The following USP53 variants were observed in gnomAD, a reference collection of about 807,000 sequenced individuals.
USP53 encodes ubiquitin carboxyl-terminal hydrolase 53.
A neutral mutation model predicts 94.9 loss-of-function variants in USP53; 71 were observed. That is an observed-to-expected ratio of 0.75 (90% CI 0.62 to 0.91). The LOEUF is 0.91. USP53 is among the 40% of genes least tolerant of loss of function. The pLI, the probability that USP53 is intolerant of heterozygous loss-of-function variation, is 0.00. For synonymous variants in USP53, 375 were observed against 422.7 expected, an observed-to-expected ratio of 0.89 and a Z score of 1.39; for missense variants, 1,173 against 1,281.0, an observed-to-expected ratio of 0.92 and a Z score of 1.29.
At chr4:119,259,297 G>GC (rs1196508488) in intron 9 of USP53, among the ~76,000 whole-genome samples, 1 of 147,890 alleles carries the variant, frequency 6.8e-6, no homozygotes, top group Non-Finnish European at 1.5e-5. Flanking sequence ...AAAAAAAAAG[G>GC]GGGGGGAGTA....
Position 119,293,036 on chromosome 4 carries a change from C to G in USP53, c.3047C>G (p.Ala1016Gly), listed in dbSNP as rs750738370. 1 of 1,614,112 alleles carries G rather than the reference C, an allele frequency of 6.2e-7. No individual in the cohort carries two copies. Among genetic ancestry groups the G allele is most frequent in the African/African-American group, 1.3e-5 (1 of 75,058 alleles). The change falls in exon 19 of 19, where the codon GCA (alanine) becomes GGA (glycine). Residue 1016 changes from alanine to glycine, a missense_variant. Physicochemically the swap from Ala to Gly is moderately conservative, Grantham distance 60. Transcript: ENST00000692078. ...CAGGCAAACTCAGGTGCCATTGATGCATTTTGCCAACCAGAACTAGACTCT... is the reference window on the plus strand; with the variant it reads ...CAGGCAAACTCAGGTGCCATTGATGGATTTTGCCAACCAGAACTAGACTCT... The part of the protein sequence containing the change: ...DFQANSGAID[A>G]FCQPELDSIS...
intron 17 of USP53, among the ~76,000 whole-genome samples, chr4:119,276,353 T>G (rs941364855): frequency 1.3e-5 from 2 of 150,622 alleles, no homozygotes; most frequent in African/African-American, 4.8e-5. Context: ...TCTATTGAGA[T>G]AATCATGTGG....
intron 1 of USP53, among the ~76,000 whole-genome samples, chr4:119,213,812 G>A (rs1045566376): frequency 6.6e-6 from 1 of 151,774 alleles, no homozygotes; most frequent in East Asian, 1.9e-4. Flanking sequence ...GGAGGTTGCA[G>A]TGAGCCGAGA....
Position 119,239,901 on chromosome 4 carries a change from C to T in USP53, c.142C>T (p.Gln48Ter). ...QNSCFLNSAV[Q>*]VLWQLDIFRR... ...CAGCTGCTTTCTTAATAGCGCTGTA[C>T]AGGTGAGACCATAATTACTTATTAC... The change falls in exon 5 of 19, where the codon CAG becomes TAG. Residue 48 changes from glutamine (Q) to a stop codon, truncating the protein, a stop_gained and splice_region_variant. Transcript: ENST00000692078. LOFTEE classifies it high-confidence loss of function. The T allele has an allele frequency of 6.7e-7, 1 of 1,492,240 alleles. No homozygotes were observed. The highest frequency in any genetic ancestry group is 8.9e-7 in the Non-Finnish European group (1 of 1,118,302). The allele number at this position is 1,492,240 out of a possible 1,614,324, so 92.4% of individuals were successfully genotyped here.
At chr4:119,273,781 A>G in intron 17 of USP53, 73 bp downstream of exon 17, 1 of 1,254,612 alleles carries the variant, frequency 8.0e-7, no homozygotes, top group South Asian at 1.4e-5. Context: ...GCTATTATGT[A>G]TCTGAGAGAA....
At chr4:119,227,268 C>CACACACACAT (rs1561197149) in intron 3 of USP53, among the ~76,000 whole-genome samples, 2 of 148,524 alleles carry the variant, frequency 1.3e-5, no homozygotes, top group Non-Finnish European at 3.0e-5. Flanking sequence ...CACACACACA[C>CACACACACAT]ACACACACAC....
rs199580098 is a variant in USP53, at chr4:119,271,281, AT to A, written c.1436-4del. The A allele has an allele frequency of 6.4e-4, 833 of 1,302,842 alleles. No individual in the cohort carries two copies. Among genetic ancestry groups the A allele is most frequent in the South Asian group, 2.1e-3 (131 of 61,942 alleles). 80.7% of individuals were successfully genotyped at this position (1,302,842 alleles called of 1,614,324 possible). ...GAGGAGTAATTCATGTGTATCTTTAATTTTTTTTTTTAAGATTTGGTTGATG... is the reference window on the plus strand; with the variant it reads ...GAGGAGTAATTCATGTGTATCTTTAATTTTTTTTTTAAGATTTGGTTGATG... On this transcript the variant is annotated splice_polypyrimidine_tract_variant and intron_variant, in intron 15 of 18. Coordinates refer to ENST00000692078, the MANE Select transcript of USP53 (RefSeq NM_001371395.1).
In USP53 at chr4:119,248,736, G is replaced by C; in HGVS notation, c.238-12G>C. 1 of 1,606,518 alleles carries C rather than the reference G, an allele frequency of 6.2e-7. No individual in the cohort carries two copies. The highest frequency in any genetic ancestry group is 8.5e-7 in the Non-Finnish European group (1 of 1,176,704). ...TGGCATTAAACTTACTGATTTTCTT[G>C]TCGATTCCCAGACGATATTTGCACA... On this transcript the variant is annotated splice_polypyrimidine_tract_variant and intron_variant, in intron 6 of 18. Coordinates refer to ENST00000692078, the MANE Select transcript of USP53 (RefSeq NM_001371395.1).
At chr4:119,250,113 C>T (rs1748767611) in intron 7 of USP53, among the ~76,000 whole-genome samples, 1 of 152,208 alleles carries the variant, frequency 6.6e-6, no homozygotes, top group Non-Finnish European at 1.5e-5. Context: ...CTCAGTGCTT[C>T]ATCCCTAGAT....
At chr4:119,277,915 A>G (rs1203376232) in intron 17 of USP53, among the ~76,000 whole-genome samples, 10 of 129,478 alleles carry the variant, frequency 7.7e-5, no homozygotes, top group Non-Finnish European at 1.5e-4. Context: ...AGAGACTAGG[A>G]TTGCAACCCC....
chr4:119,286,810 C>T (rs1480052084), intron 17 of USP53, among the ~76,000 whole-genome samples: 2 of 151,966 alleles, frequency 1.3e-5, no homozygotes, highest in Admixed American at 6.6e-5. Flanking sequence ...TTCTTTTTGA[C>T]ATCTTATTTC....
At chr4:119,262,167 C>T (rs1029229497) in intron 12 of USP53, among the ~76,000 whole-genome samples, 24 of 152,222 alleles carry the variant, frequency 1.6e-4, no homozygotes, top group African/African-American at 3.6e-4. Context: ...TTTTGCCTGA[C>T]GCATACTTGC....
At chr4:119,250,019 G>A (rs896565182) in intron 7 of USP53, among the ~76,000 whole-genome samples, 3 of 152,050 alleles carry the variant, frequency 2.0e-5, no homozygotes, top group Middle Eastern at 3.4e-3. Context: ...TCAGGTTAAC[G>A]CTTACTCTTC....
Position 119,292,891 on chromosome 4 carries a change from G to T in USP53, c.2902G>T (p.Glu968Ter). ...LPKHSLSTAS[E>*]PSLEVSTHMN... ...GAAGCACAGTTTAAGTACAGCTTCA[G>T]AACCAAGTTTAGAAGTGAGTACACA... Residue 968 changes from glutamate (E) to a stop codon, truncating the protein, a stop_gained, in exon 19 of 19, where the codon GAA (glutamate) becomes TAA (stop). Coordinates refer to ENST00000692078, the MANE Select transcript of USP53 (RefSeq NM_001371395.1). LOFTEE classifies it low-confidence loss of function (END_TRUNC). 6.2e-7 allele frequency: 1 copy of T among 1,614,086 alleles called. No individual in the cohort carries two copies. The highest frequency in any genetic ancestry group is 8.5e-7 in the Non-Finnish European group (1 of 1,179,966).
chr4:119,256,439 A>AGT lies in USP53; in HGVS notation c.494_495dup. 1 of 1,613,988 alleles carries AGT rather than the reference A, an allele frequency of 6.2e-7. No individual in the cohort carries two copies. The highest frequency in any genetic ancestry group is 8.5e-7 in the Non-Finnish European group (1 of 1,179,930). ...ATTAAACATATGTTTTTACCTATAT[A>AGT]GTGTGTGTGTCGTAGCTGTGGAGCA... is the stretch of plus-strand genomic sequence containing the variant. On this transcript the variant is annotated splice_acceptor_variant, in intron 8 of 18. Coordinates refer to ENST00000692078, the MANE Select transcript of USP53 (RefSeq NM_001371395.1). LOFTEE classifies it high-confidence loss of function.
At position 119,293,826 on chromosome 4, in the gene USP53, T is replaced by C. The variant is rs935113162; in HGVS notation, c.*615T>C. 1.6e-5 allele frequency: 1 copy of C among 64,328 alleles called. No individual in the cohort carries two copies. The highest frequency in any genetic ancestry group is 5.2e-5 in the African/African-American group (1 of 19,060). 4.0% of individuals were successfully genotyped at this position (64,328 alleles called of 1,614,324 possible). On this transcript the variant is annotated 3_prime_UTR_variant, in exon 19 of 19. Coordinates refer to ENST00000692078, the MANE Select transcript of USP53 (RefSeq NM_001371395.1). ...ACTGCATATGATCCCTTTAAGTGTC[T>C]TTAAAAAAAATGACTTATGAATTTG...
intron 9 of USP53, among the ~76,000 whole-genome samples, 185 bp from the exon 10 acceptor site, chr4:119,259,635 T>C (rs6823331): frequency 0.65 from 99,209 of 152,060 alleles, 32,424 homozygotes; most frequent in East Asian, 0.7. Flanking sequence ...TTTTTTTCAT[T>C]ATATACTTGC....
chr4:119,235,518 T>G (rs1335650726), intron 4 of USP53, 107 bp downstream of exon 4: 1 of 152,182 alleles, frequency 6.6e-6, no homozygotes, highest in Non-Finnish European at 1.5e-5. Context: ...TTTCAAGTGA[T>G]CTTCCGCACT....
chr4:119,262,428 T>G (rs751733044), intron 12 of USP53, among the ~76,000 whole-genome samples: 1 of 152,220 alleles, frequency 6.6e-6, no homozygotes, highest in African/African-American at 2.4e-5. Flanking sequence ...AACAGCCTAC[T>G]ATTGACAGGC....
Sources: allele counts gnomAD v4.1 joint callset (sites outside exome capture counted in the v4.1 genomes callset), GRCh38; gene constraint gnomAD v4.1.1; transcripts MANE v1.5; gene names NCBI Gene and HGNC (gene_info 2026-07-23, HGNC 2026-07-21).